Variants in CPNE8 observed in about 807,000 individuals in gnomAD.
The protein encoded by CPNE8 is copine 8, also known as copine-8.
Under a neutral mutation model 81.5 loss-of-function variants are expected in CPNE8, and 45 were observed. The ratio of observed to expected loss-of-function variants is 0.55; its 90% CI spans 0.44 to 0.71. The LOEUF is 0.71. Among genes scored for constraint, CPNE8 ranks in the 30% least tolerant of loss-of-function variants. CPNE8 has a pLI of 0.00. For synonymous variants in CPNE8, 252 were observed against 226.3 expected (o/e 1.11, Z -1.02); for missense variants, 594 against 672.1 (o/e 0.88, Z 1.28).
chr12:38,862,251 A>G (rs1275010607), intron 3 of CPNE8, among the ~76,000 whole-genome samples: 2 of 149,742 alleles, frequency 1.3e-5, no homozygotes, highest in East Asian at 1.9e-4. Flanking sequence ...TTAGCATTAT[A>G]CATATTATTA....
intron 1 of CPNE8, among the ~76,000 whole-genome samples, chr12:38,889,582 T>C (rs1027922010): frequency 6.6e-6 from 1 of 152,204 alleles, no homozygotes; most frequent in African/African-American, 2.4e-5. Context: ...TGACTCATTA[T>C]ACAGGCAACT....
At chr12:38,707,694 T>G (rs1940145260) in intron 13 of CPNE8, among the ~76,000 whole-genome samples, 1 of 152,236 alleles carries the variant, frequency 6.6e-6, no homozygotes, top group Non-Finnish European at 1.5e-5. Flanking sequence ...GATTAATTCT[T>G]TGTCTCATTC....
intron 1 of CPNE8, among the ~76,000 whole-genome samples, chr12:38,901,198 GCCACAGAGTGAGATT>G: frequency 6.6e-6 from 1 of 152,152 alleles, no homozygotes; most frequent in South Asian, 2.1e-4. Flanking sequence ...TCCAGCCTGG[GCCACAGAGTGAGATT>G]CCATCTCAAA....
chr12:38,819,644 G>T (rs1046211458), intron 6 of CPNE8, among the ~76,000 whole-genome samples: 1 of 151,672 alleles, frequency 6.6e-6, no homozygotes, highest in African/African-American at 2.4e-5. Context: ...GCGGGCGCCT[G>T]TAGTCCCAGC....
intron 6 of CPNE8, among the ~76,000 whole-genome samples, chr12:38,791,121 T>C (rs1942312618): frequency 6.6e-6 from 1 of 151,688 alleles, no homozygotes; most frequent in Non-Finnish European, 1.5e-5. Context: ...ACAATAATTT[T>C]AAACTTATTA....
At chr12:38,886,594 G>A (rs931765836) in intron 1 of CPNE8, among the ~76,000 whole-genome samples, 8 of 152,204 alleles carry the variant, frequency 5.3e-5, no homozygotes, top group African/African-American at 1.9e-4. Context: ...TATGGGAATA[G>A]TTAAGCCCTG....
intron 15 of CPNE8, 51 bp from the exon 16 acceptor site, chr12:38,685,668 T>A: frequency 6.3e-7 from 1 of 1,576,770 alleles, no homozygotes; most frequent in South Asian, 1.1e-5. Flanking sequence ...AAAAAGTAAA[T>A]CTCCATGAAG....
intron 14 of CPNE8, among the ~76,000 whole-genome samples, chr12:38,700,505 G>A (rs961661640): frequency 4.6e-5 from 7 of 151,808 alleles, no homozygotes; most frequent in East Asian, 1.9e-4. Context: ...GAATACAGGC[G>A]TGAGCCACTG....
chr12:38,654,820 T>A (rs932677422), intron 19 of CPNE8, among the ~76,000 whole-genome samples: 2 of 152,130 alleles, frequency 1.3e-5, no homozygotes, highest in Admixed American at 1.3e-4. Flanking sequence ...CAATTCTGGA[T>A]AAGAAATGAG....
chr12:38,706,452 T>C (rs942273697), intron 13 of CPNE8, among the ~76,000 whole-genome samples: 1 of 152,138 alleles, frequency 6.6e-6, no homozygotes, highest in Non-Finnish European at 1.5e-5. Context: ...CTATCAGATA[T>C]AGACAGTAAA....
At chr12:38,743,173 C>T (rs757825534) in intron 10 of CPNE8, among the ~76,000 whole-genome samples, 1 of 151,804 alleles carries the variant, frequency 6.6e-6, no homozygotes, top group African/African-American at 2.4e-5. Context: ...CGTTTATGAC[C>T]TTATTTATTA....
intron 6 of CPNE8, among the ~76,000 whole-genome samples, chr12:38,794,781 T>C (rs1056539909): frequency 6.6e-6 from 1 of 152,138 alleles, no homozygotes; most frequent in Non-Finnish European, 1.5e-5. Flanking sequence ...TAATATTAAG[T>C]GTCAACTTGA....
chr12:38,821,226 T>C (rs1332762777), intron 6 of CPNE8, among the ~76,000 whole-genome samples: 2 of 152,246 alleles, frequency 1.3e-5, no homozygotes, highest in Non-Finnish European at 2.9e-5. Context: ...TGCATGATTA[T>C]TCATTTAATG....
chr12:38,655,939 A>G (rs1036209145), intron 19 of CPNE8, among the ~76,000 whole-genome samples: 4 of 150,922 alleles, frequency 2.7e-5, no homozygotes, highest in African/African-American at 4.8e-5. Context: ...TCTTTCTCCT[A>G]CTAAGGGCAA....
At chr12:38,852,741 A>G (rs1174189106) in intron 3 of CPNE8, among the ~76,000 whole-genome samples, 1 of 152,216 alleles carries the variant, frequency 6.6e-6, no homozygotes, top group Non-Finnish European at 1.5e-5. Context: ...GATCTGAGAT[A>G]TAAATATCAA....
At chr12:38,769,486 G>T (rs890310518) in intron 7 of CPNE8, among the ~76,000 whole-genome samples, 1 of 152,144 alleles carries the variant, frequency 6.6e-6, no homozygotes. Flanking sequence ...GCATTGAAAA[G>T]GCGAGCTGTT....
At chr12:38,730,652 A>G (rs9651997) in intron 10 of CPNE8, among the ~76,000 whole-genome samples, 58 of 151,794 alleles carry the variant, frequency 3.8e-4, no homozygotes, top group African/African-American at 1.3e-3. Context: ...AAAACTGTTA[A>G]ATCATCTATT....
chr12:38,820,100 A>T (rs1007042944), intron 6 of CPNE8, among the ~76,000 whole-genome samples: 2 of 152,100 alleles, frequency 1.3e-5, no homozygotes, highest in Non-Finnish European at 2.9e-5. Context: ...TACAAAAAGC[A>T]ACCATTTGGA....
intron 6 of CPNE8, among the ~76,000 whole-genome samples, chr12:38,793,589 C>T (rs1019558277): frequency 2.6e-5 from 4 of 151,872 alleles, no homozygotes; most frequent in Non-Finnish European, 4.4e-5. Context: ...AATGTTAAGA[C>T]ATCTCATGTT....
Sources: gnomAD v4.1 joint callset for allele counts (sites outside exome capture counted in the v4.1 genomes callset) on GRCh38, gnomAD v4.1.1 for gene constraint, MANE v1.5 for transcripts, NCBI Gene and HGNC (gene_info 2026-07-23, HGNC 2026-07-21) for gene names.